DENND3: variants seen among roughly 807,000 people sequenced by gnomAD.
The protein encoded by DENND3 is DENN domain containing 3.
Under a neutral mutation model 135.1 loss-of-function variants are expected in DENND3, and 88 were observed. That is an observed-to-expected ratio of 0.65 (90% CI 0.55 to 0.78). The LOEUF is 0.78. DENND3 is among the 30% of genes least tolerant of loss of function. DENND3 has a pLI of 0.00. For synonymous variants in DENND3, 693 were observed against 712.3 expected, an observed-to-expected ratio of 0.97 and a Z score of 0.43; for missense variants, 1,392 against 1,688.4, an observed-to-expected ratio of 0.82 and a Z score of 3.08.
chr8:141,188,868 T>TC (rs1165341800), intron 18 of DENND3, 118 bp from the exon 19 acceptor site: 16 of 1,362,398 alleles, frequency 1.2e-5, no homozygotes, highest in Non-Finnish European at 1.6e-5. Context: ...AGCCGGCGTG[T>TC]CCCCTAGGAG....
At position 141,134,400 on chromosome 8, in the gene DENND3, T is replaced by G. The variant is rs1349507370; in HGVS notation, c.103-2109T>G. 2.0e-5 allele frequency among the ~76,000 whole-genome samples: 3 copies of G among 151,834 alleles called. No homozygotes were observed. The East Asian group carries it at 5.8e-4, about 29-fold the overall frequency. ...AGCTCCGCCTCCCGGGTTCACGCCA[T>G]TCTCCTGCCTCAGCCTCTCCGAGTA... On this transcript the variant is annotated intron_variant, in intron 1 of 22. Transcript: ENST00000519811.
At chr8:141,129,441 A>G (rs558068924) in intron 1 of DENND3, among the ~76,000 whole-genome samples, 2 of 148,360 alleles carry the variant, frequency 1.3e-5, no homozygotes, top group East Asian at 2.0e-4. Flanking sequence ...CCCTTCCTCC[A>G]TCTCTGCACC....
At chr8:141,192,811 G>A (rs1431153865) in intron 22 of DENND3, 148 bp downstream of exon 22, 1 of 1,570,362 alleles carries the variant, frequency 6.4e-7, no homozygotes, top group South Asian at 1.1e-5. Flanking sequence ...CACGTGCAGG[G>A]TTGGTGCCAA....
intron 13 of DENND3, among the ~76,000 whole-genome samples, chr8:141,171,683 T>G (rs1230901255): frequency 6.6e-6 from 1 of 152,240 alleles, no homozygotes; most frequent in African/African-American, 2.4e-5. Flanking sequence ...TCCACAGATG[T>G]GCACAGTGGT....
intron 5 of DENND3, among the ~76,000 whole-genome samples, chr8:141,149,577 C>T (rs781529534): frequency 6.6e-6 from 1 of 152,232 alleles, no homozygotes; most frequent in South Asian, 2.1e-4. Flanking sequence ...GAGGCCATCC[C>T]GGCAGCTTAG....
chr8:141,179,030 A>C (rs1035551860), intron 16 of DENND3, among the ~76,000 whole-genome samples: 6 of 151,418 alleles, frequency 4.0e-5, no homozygotes, highest in Non-Finnish European at 8.8e-5. Context: ...GATCTAGGGG[A>C]CTCTGGCTTT....
At chr8:141,193,966 G>A in intron 22 of DENND3, 67 bp from the exon 23 acceptor site, 1 of 1,544,572 alleles carries the variant, frequency 6.5e-7, no homozygotes, top group Non-Finnish European at 8.8e-7. Context: ...TGGGTAGCCG[G>A]GCAAAGCCCT....
chr8:141,140,237 C>T (rs1817285580), intron 3 of DENND3, among the ~76,000 whole-genome samples: 1 of 152,122 alleles, frequency 6.6e-6, no homozygotes, highest in African/African-American at 2.4e-5. Flanking sequence ...AGCCCCAGCC[C>T]CTCTCATACA....
rs759320481 is a variant in DENND3 at position 141,195,402 on chromosome 8, G to A, written c.*1169G>A. 1 of 152,272 alleles carries A rather than the reference G, an allele frequency of 6.6e-6. No individual in the cohort carries two copies. Among genetic ancestry groups the A allele is most frequent in the Non-Finnish European group, 1.5e-5 (1 of 68,066 alleles). 9.4% of individuals were successfully genotyped at this position (152,272 alleles called of 1,614,324 possible). A position where few individuals can be genotyped will look rare whatever the true frequency, so the allele number is the denominator to read the frequency against. On this transcript the variant is annotated 3_prime_UTR_variant, in exon 23 of 23. Transcript: ENST00000519811. ...GCGCATCCTGAGGGTCTCTGGGGGT[G>A]TTTGCCAGGCTCCTGGGATGGGCCG...
Position 141,185,354 on chromosome 8 carries a change from T to C in DENND3, c.3084+76T>C, listed in dbSNP as rs759717316. On this transcript the variant is annotated intron_variant, in intron 18 of 22. Coordinates refer to ENST00000519811, the MANE Select transcript of DENND3 (RefSeq NM_001352890.3). ...GAAACCCAAGTGTGTTCATCCATAT[T>C]CGACAGTAGGATACAAGCTATTCCA... 5 of 1,585,778 alleles carry C rather than the reference T, an allele frequency of 3.2e-6. No individual in the cohort carries two copies. The African/African-American group carries it at 5.4e-5, about 17-fold the overall frequency.
Position 141,136,705 on chromosome 8 carries a change from C to A in DENND3, c.299C>A (p.Pro100Gln). 6.2e-7 allele frequency: 1 copy of A among 1,612,316 alleles called. No individual in the cohort carries two copies. Among genetic ancestry groups the A allele is most frequent in the East Asian group, 2.2e-5 (1 of 44,808 alleles). The change falls in exon 2 of 23, where the codon CCG becomes CAG. Residue 100 changes from proline (P) to glutamine (Q), a missense_variant. Pro to Gln is a moderately conservative substitution (Grantham distance 76). Transcript: ENST00000519811. The part of the protein sequence containing the change: ...KPRPEQWKGL[P>Q]GPPRAPEPED... ...AGACCAGAGCAGTGGAAGGGCCTCC[C>A]GGGGCCCCCCAGAGCGCCAGAGCCT...
chr8:141,147,469 C>G (rs951612835), intron 5 of DENND3, among the ~76,000 whole-genome samples: 5 of 152,228 alleles, frequency 3.3e-5, no homozygotes, highest in African/African-American at 1.2e-4. Context: ...TCACTGGACT[C>G]CTGTCCATTC....
At position 141,141,512 on chromosome 8, in the gene DENND3, A is replaced by C; in HGVS notation, c.623+188A>C. 7 of 555,652 alleles carry C rather than the reference A, an allele frequency of 1.3e-5. No individual in the cohort carries two copies. Among genetic ancestry groups the C allele is most frequent in the Admixed American group, 3.3e-5 (1 of 30,116 alleles). 34.4% of individuals were successfully genotyped at this position (555,652 alleles called of 1,614,324 possible). A position where few individuals can be genotyped will look rare whatever the true frequency, so the allele number is the denominator to read the frequency against. On this transcript the variant is annotated intron_variant, in intron 4 of 22. Coordinates refer to ENST00000519811, the MANE Select transcript of DENND3 (RefSeq NM_001352890.3). The surrounding 1 kb of genome is among the most constrained non-coding windows in gnomAD (Gnocchi z 5.3). ...CTCTGTGCCTCTTAGGCTGTTGCTTAAGGCTGGGGGCAGTGGGCAGGGGGT... is the reference window on the plus strand; with the variant it reads ...CTCTGTGCCTCTTAGGCTGTTGCTTCAGGCTGGGGGCAGTGGGCAGGGGGT...
intron 5 of DENND3, among the ~76,000 whole-genome samples, chr8:141,149,931 G>A (rs1247246120): frequency 6.6e-6 from 1 of 152,162 alleles, no homozygotes; most frequent in Admixed American, 6.6e-5. Context: ...TTGGGAGACT[G>A]GGAGAAAGCA....
rs576555500 is a variant in DENND3, at chr8:141,146,136, G to A, written c.735+1877G>A. ...TGCTGGGATTACAGCGTGAGCCACC[G>A]CGCCCGCCCTGGATATTGTATTTCA... On this transcript the variant is annotated intron_variant, in intron 5 of 22. Coordinates refer to ENST00000519811, the MANE Select transcript of DENND3 (RefSeq NM_001352890.3). The surrounding 1 kb of genome is among the most constrained non-coding windows in gnomAD (Gnocchi z 4.3). Among the ~76,000 whole-genome samples the A allele has an allele frequency of 2.8e-3, 427 of 152,242 alleles. 2 individuals carry two copies. The highest frequency in any genetic ancestry group is 0.01 in the African/African-American group (416 of 41,534).
chr8:141,159,444 G>A (rs1043620847), intron 8 of DENND3, among the ~76,000 whole-genome samples: 7 of 152,198 alleles, frequency 4.6e-5, no homozygotes, highest in African/African-American at 1.2e-4. Context: ...GTTCCAGGTC[G>A]TCTCCTGGGA....
chr8:141,136,819 G>T, intron 2 of DENND3, 28 bp downstream of exon 2: 1 of 1,514,356 alleles, frequency 6.6e-7, no homozygotes. Flanking sequence ...GCACCACTGG[G>T]CGCCTCCTGC....
rs763244499 is a variant in DENND3, at chr8:141,175,295, C to T, written c.2371C>T (p.Leu791=). The change falls in exon 14 of 23, where the codon CTG becomes TTG. Residue 791 remains leucine, a synonymous_variant. Coordinates refer to ENST00000519811, the MANE Select transcript of DENND3 (RefSeq NM_001352890.3). This position sits in a 1 kb window ranked among gnomAD's most constrained non-coding sequence, Gnocchi z 5.4. ...AGCCCAGGAGGTCAGTCTGCCGTGGCTGGTGATGGAACACCTGGATAAAAA... is the reference window on the plus strand; with the variant it reads ...AGCCCAGGAGGTCAGTCTGCCGTGGTTGGTGATGGAACACCTGGATAAAAA... The part of the protein sequence containing the change: ...AEAQEVSLPW[L]VMEHLDKNEC... The T allele has an allele frequency of 1.2e-6, 2 of 1,614,254 alleles. No homozygotes were observed. The highest frequency in any genetic ancestry group is 1.7e-6 in the Non-Finnish European group (2 of 1,180,044).
intron 18 of DENND3, among the ~76,000 whole-genome samples, chr8:141,188,197 C>G (rs1406561131): frequency 6.6e-6 from 1 of 152,102 alleles, no homozygotes; most frequent in African/African-American, 2.4e-5. Flanking sequence ...TGCACTCCAG[C>G]CTGGGTGGCA....
Sources: gnomAD v4.1 joint callset for allele counts (sites outside exome capture counted in the v4.1 genomes callset) on GRCh38, gnomAD v4.1.1 for gene constraint, Gnocchi (gnomAD v3.1) non-coding constraint, MANE v1.5 for transcripts, NCBI Gene and HGNC (gene_info 2026-07-23, HGNC 2026-07-21) for gene names.